Variants in MIB2 observed in about 807,000 individuals in gnomAD.
MIB2 encodes MIB E3 ubiquitin protein ligase 2.
A neutral mutation model predicts 96.6 loss-of-function variants in MIB2; 78 were observed. The observed-to-expected ratio is 0.81, with a 90% CI of 0.67 to 0.97. The LOEUF is 0.97. Among genes scored for constraint, MIB2 ranks in the 50% least tolerant of loss-of-function variants. The pLI is 0.00. For synonymous variants in MIB2, 820 were observed against 629.5 expected (o/e 1.30, Z -4.53); for missense variants, 1,543 against 1,424.0 (o/e 1.08, Z -1.35).
At chr1:1,620,998 A>T (rs1644210658) in intron 2 of MIB2, among the ~76,000 whole-genome samples, 1 of 152,214 alleles carries the variant, frequency 6.6e-6, no homozygotes, top group Non-Finnish European at 1.5e-5. Context: ...CAGCGCTGGG[A>T]TGGCTAGAAG....
chr1:1,623,895 G>A lies in MIB2; in HGVS notation c.369G>A (p.Lys123=), dbSNP rs966374437. The change falls in exon 4 of 20, where the codon AAG becomes AAA. Residue 123 remains lysine (K), a synonymous_variant. Transcript: ENST00000355826. ...DLCTQCYMHN[K]HELAHAFDRY... ...GCACGCAGTGCTACATGCACAACAA[G>A]CATGAGCTCGCCCACGCCTTCGACC... The A allele has an allele frequency of 1.9e-6, 3 of 1,611,972 alleles. No homozygotes were observed. The highest frequency in any genetic ancestry group is 2.5e-6 in the Non-Finnish European group (3 of 1,179,540).
chr1:1,627,391 C>A lies in MIB2; in HGVS notation c.1470C>A (p.Gly490=), dbSNP rs751751781. The part of the protein sequence containing the change: ...LIRLLLQARA[G]VDLPDDEGNT... ...GGCTGCTGCTACAAGCCAGGGCGGG[C>A]GTGGACCTGCCGGACGACGAGGGCA... The change falls in exon 12 of 20, where the codon GGC becomes GGA. Residue 490 remains glycine, a synonymous_variant. Transcript: ENST00000355826. 7 of 1,612,840 alleles carry A rather than the reference C, an allele frequency of 4.3e-6. No individual in the cohort carries two copies. The Admixed American group carries it at 6.7e-5, about 15-fold the overall frequency.
chr1:1,629,853 GC>G, intron 19 of MIB2, 149 bp downstream of exon 19: 4 of 581,222 alleles, frequency 6.9e-6, no homozygotes, highest in Non-Finnish European at 9.7e-6. Context: ...CGGCCCCCCA[GC>G]CCCCAGCCCC....
chr1:1,630,381 G>A lies in MIB2; in HGVS notation c.2719G>A (p.Glu907Lys), dbSNP rs1484936633. 3 of 1,555,408 alleles carry A rather than the reference G, an allele frequency of 1.9e-6. No individual in the cohort carries two copies. Among genetic ancestry groups the A allele is most frequent in the Non-Finnish European group, 2.6e-6 (3 of 1,151,680 alleles). Residue 907 changes from glutamate to lysine, a missense_variant, in exon 20 of 20, where the codon GAA becomes AAA. Physicochemically the swap from Glu to Lys is moderately conservative, Grantham distance 56. Transcript: ENST00000355826. The part of the protein sequence containing the change: ...ELQSRYRQME[E>K]RITCPICIDS... Reference sequence around the variant, plus strand: ...GCAGAGCCGCTACCGGCAGATGGAGGAACGCATCACCTGCCCCATCTGCAT... The same window carrying A: ...GCAGAGCCGCTACCGGCAGATGGAGAAACGCATCACCTGCCCCATCTGCAT...
chr1:1,627,109 C>T lies in MIB2; in HGVS notation c.1276C>T (p.Gln426Ter). 3 of 1,600,628 alleles carry T rather than the reference C, an allele frequency of 1.9e-6. No homozygotes were observed. Among genetic ancestry groups the T allele is most frequent in the Non-Finnish European group, 2.6e-6 (3 of 1,174,102 alleles). ...LSVALDKLRA[Q>*]KSDPEHPGRL... The stretch of plus-strand genomic sequence containing the variant: ...CGTGGCCCTGGACAAGCTTCGGGCC[C>T]AGAAGAGTGACCCAGAGCACCCGGG... The change falls in exon 11 of 20, where the codon CAG (glutamine) becomes TAG (stop). Residue 426 changes from glutamine (Q) to a stop codon, truncating the protein, a stop_gained. Transcript: ENST00000355826. LOFTEE classifies it high-confidence loss of function.
Position 1,628,511 on chromosome 1 carries a change from G to A in MIB2, c.1991G>A (p.Arg664His), listed in dbSNP as rs1272882744. 15 of 1,599,882 alleles carry A rather than the reference G, an allele frequency of 9.4e-6. No homozygotes were observed. Among genetic ancestry groups the A allele is most frequent in the African/African-American group, 4.0e-5 (3 of 74,872 alleles). Residue 664 changes from arginine to histidine, a missense_variant, in exon 16 of 20, where the codon CGC becomes CAC. Arg to His is a conservative substitution (Grantham distance 29). Transcript: ENST00000355826. ...IREGRCDVNV[R>H]NRKLQSPLHL... ...CAGGGCCGCTGTGACGTGAACGTGC[G>A]CAACCGGAAGCTGCAGTCCCCGCTG... is the stretch of plus-strand genomic sequence containing the variant.
chr1:1,625,222 G>T lies in MIB2; in HGVS notation c.721+37G>T. 1.2e-6 allele frequency: 2 copies of T among 1,602,774 alleles called. No homozygotes were observed. The highest frequency in any genetic ancestry group is 1.3e-5 in the African/African-American group (1 of 74,890). On this transcript the variant is annotated intron_variant, in intron 6 of 19. Coordinates refer to ENST00000355826, the MANE Select transcript of MIB2 (RefSeq NM_001170687.4). This position sits in a 1 kb window ranked among gnomAD's most constrained non-coding sequence, Gnocchi z 5.0. ...TCACACTGACTCCATCAGCCCTCCTGCCTTGGCTGAAGTCCCAGAGGGGAG... is the reference window on the plus strand; with the variant it reads ...TCACACTGACTCCATCAGCCCTCCTTCCTTGGCTGAAGTCCCAGAGGGGAG...
At chr1:1,621,471 GCCTGC>G (rs1388502993) in intron 2 of MIB2, among the ~76,000 whole-genome samples, 1 of 152,254 alleles carries the variant, frequency 6.6e-6, no homozygotes, top group African/African-American at 2.4e-5. Context: ...CGGTGCTGGA[GCCTGC>G]CCTGGCCCAG....
In MIB2 at chr1:1,627,761, G is replaced by T. The variant is rs1644945667; in HGVS notation, c.1612G>T (p.Ala538Ser). 2 of 1,597,384 alleles carry T rather than the reference G, an allele frequency of 1.3e-6. No individual in the cohort carries two copies. Among genetic ancestry groups the T allele is most frequent in the Admixed American group, 1.7e-5 (1 of 59,768 alleles). The part of the protein sequence containing the change: ...NSTQSTALHV[A>S]VQRGFLEVVR... ...CACCCAGAGCACAGCACTGCACGTG[G>T]CCGTGCAGAGGGGCTTCCTGGAGGT... Residue 538 changes from alanine to serine, a missense_variant, in exon 13 of 20, where the codon GCC becomes TCC. Ala to Ser is a moderately conservative substitution (Grantham distance 99). Coordinates refer to ENST00000355826, the MANE Select transcript of MIB2 (RefSeq NM_001170687.4).
At position 1,630,314 on chromosome 1, in the gene MIB2, C is replaced by T. The variant is rs1315270266; in HGVS notation, c.2652C>T (p.Ala884=). 1.3e-6 allele frequency: 2 copies of T among 1,528,128 alleles called. No individual in the cohort carries two copies. The highest frequency in any genetic ancestry group is 1.8e-6 in the Non-Finnish European group (2 of 1,142,506). 94.7% of individuals were successfully genotyped at this position (1,528,128 alleles called of 1,614,324 possible). Residue 884 remains alanine, a synonymous_variant, in exon 20 of 20, where the codon GCC becomes GCT. Transcript: ENST00000355826. Reference sequence around the variant, plus strand: ...CAGACGGCTCTGAGGTGGCGAGCGCCGCCCCCGCCCCCGGCCCGCCGCGCC... The same window carrying T: ...CAGACGGCTCTGAGGTGGCGAGCGCTGCCCCCGCCCCCGGCCCGCCGCGCC... ...LRPDGSEVAS[A]APAPGPPRQL...
At position 1,627,282 on chromosome 1, in the gene MIB2, G is replaced by A. The variant is rs761220028; in HGVS notation, c.1375-14G>A. On this transcript the variant is annotated splice_polypyrimidine_tract_variant and intron_variant, in intron 11 of 19. Coordinates refer to ENST00000355826, the MANE Select transcript of MIB2 (RefSeq NM_001170687.4). ...GCAGAGGGCCAGGGACTCACCTGCT[G>A]GCACTCTTGGCAGGTGGACACCAAG... The A allele has an allele frequency of 4.8e-5, 77 of 1,613,084 alleles. No individual in the cohort carries two copies. Among genetic ancestry groups the A allele is most frequent in the Middle Eastern group, 3.3e-4 (2 of 6,084 alleles).
rs1278101487 is a variant in MIB2, at chr1:1,623,754, T to TGACCC, written c.248-19_248-15dup. 3 of 1,562,750 alleles carry TGACCC rather than the reference T, an allele frequency of 1.9e-6. No homozygotes were observed. The African/African-American group carries it at 4.1e-5, about 21-fold the overall frequency. On this transcript the variant is annotated intron_variant, in intron 3 of 19. Transcript: ENST00000355826. ...GGACCCGGGGGCGGGAACGCCCCTC[T>TGACCC]GACCCCACCCCACCCCCAGGCGTCC...
chr1:1,625,760 A>G lies in MIB2; in HGVS notation c.972+107A>G. 1.1e-6 allele frequency: 1 copy of G among 873,224 alleles called. No individual in the cohort carries two copies. The highest frequency in any genetic ancestry group is 2.2e-5 in the Admixed American group (1 of 45,374). The allele number at this position is 873,224 out of a possible 1,614,324, so 54.1% of individuals were successfully genotyped here. ...CAGGACTAGGGTGCCAGCTGCACCC[A>G]CGAGTCCCCAGCCCTGAAGGAAGGG... On this transcript the variant is annotated intron_variant, in intron 8 of 19. Transcript: ENST00000355826. The surrounding 1 kb of genome is among the most constrained non-coding windows in gnomAD (Gnocchi z 5.0).
Position 1,625,983 on chromosome 1 carries a change from A to T in MIB2, c.972+330A>T. ...CTAAGATGCTCCTGGTTAGTGCTGTATGGGGGCCGATGGGGGTGGCTGGTT... is the reference window on the plus strand; with the variant it reads ...CTAAGATGCTCCTGGTTAGTGCTGTTTGGGGGCCGATGGGGGTGGCTGGTT... On this transcript the variant is annotated intron_variant, in intron 8 of 19. Transcript: ENST00000355826. This position sits in a 1 kb window ranked among gnomAD's most constrained non-coding sequence, Gnocchi z 5.0. The T allele has an allele frequency of 9.9e-6, 3 of 303,254 alleles. No homozygotes were observed. Among genetic ancestry groups the T allele is most frequent in the African/African-American group, 2.3e-5 (1 of 43,238 alleles). 18.8% of individuals were successfully genotyped at this position (303,254 alleles called of 1,614,324 possible).
upstream of MIB2, chr1:1,615,469 G>GCGCTCCGGCGGGGGCGGGCC: frequency 6.6e-7 from 1 of 1,518,932 alleles, no homozygotes; most frequent in South Asian, 1.2e-5. Context: ...CATGGCGGGG[G>GCGCTCCGGCGGGGGCGGGCC]CGCTCCGGCG....
intron 2 of MIB2, among the ~76,000 whole-genome samples, chr1:1,621,231 T>C (rs1644233484): frequency 6.6e-6 from 1 of 152,066 alleles, no homozygotes; most frequent in South Asian, 2.1e-4. Context: ...GGAGGGCCTG[T>C]GGGTCACCCT....
At chr1:1,618,023 T>A (rs1044018978) in intron 2 of MIB2, 8 of 152,458 alleles carry the variant, frequency 5.2e-5, no homozygotes, top group Admixed American at 3.3e-4. Flanking sequence ...CACAGCCATG[T>A]ACGCCACGAT....
At chr1:1,617,896 A>G (rs1643896192) in intron 2 of MIB2, 1 of 152,264 alleles carries the variant, frequency 6.6e-6, no homozygotes, top group African/African-American at 2.4e-5. Flanking sequence ...GCAAAGGAAA[A>G]AACATTTGGT....
In MIB2 at chr1:1,630,392, C is replaced by A; in HGVS notation, c.2730C>A (p.Thr910=). 1 of 1,565,566 alleles carries A rather than the reference C, an allele frequency of 6.4e-7. No homozygotes were observed. Among genetic ancestry groups the A allele is most frequent in the East Asian group, 2.4e-5 (1 of 41,612 alleles). The change falls in exon 20 of 20, where the codon ACC becomes ACA. Residue 910 remains threonine (T), a synonymous_variant. Coordinates refer to ENST00000355826, the MANE Select transcript of MIB2 (RefSeq NM_001170687.4). ...ACCGGCAGATGGAGGAACGCATCACCTGCCCCATCTGCATCGACAGCCACA... is the reference window on the plus strand; with the variant it reads ...ACCGGCAGATGGAGGAACGCATCACATGCCCCATCTGCATCGACAGCCACA... ...SRYRQMEERI[T]CPICIDSHIR...
Sources: gnomAD v4.1 joint callset for allele counts (sites outside exome capture counted in the v4.1 genomes callset) on GRCh38, gnomAD v4.1.1 for gene constraint, Gnocchi (gnomAD v3.1) non-coding constraint, MANE v1.5 for transcripts, NCBI Gene and HGNC (gene_info 2026-07-23, HGNC 2026-07-21) for gene names.